PLAGL1: variants seen among roughly 807,000 people sequenced by gnomAD.
PLAGL1 encodes PLAG1 like zinc finger 1.
PLAGL1 carries 1 observed loss-of-function variant against 4.6 expected under a neutral mutation model. The ratio of observed to expected loss-of-function variants is 0.22; its 90% CI spans 0.08 to 1.03. PLAGL1 has a LOEUF of 1.03. PLAGL1 is among the 50% of genes least tolerant of loss of function. The probability of loss-of-function intolerance (pLI) is 0.58; values close to 1 mark genes in which losing one functional copy is unlikely to be tolerated. For missense variants in PLAGL1, 464 were observed against 570.4 expected (o/e 0.81, Z 1.90); for synonymous variants, 240 against 237.8 (o/e 1.01, Z -0.08).
Position 144,027,761 on chromosome 6 carries a change from G to T in PLAGL1, c.-151+36707C>A. On this transcript the variant is annotated intron_variant, in intron 1 of 3. Transcript: ENST00000437412. The surrounding 1 kb of genome is among the most constrained non-coding windows in gnomAD (Gnocchi z 5.8). The stretch of plus-strand genomic sequence containing the variant: ...AAACACTTCGCTCTGTCAGGGAAAT[G>T]TTAATCATATTTGCTAAACTTACTA... 6.6e-6 allele frequency among the ~76,000 whole-genome samples: 1 copy of T among 152,062 alleles called. No individual in the cohort carries two copies. Among genetic ancestry groups the T allele is most frequent in the East Asian group, 1.9e-4 (1 of 5,202 alleles).
rs779621068 is a variant in PLAGL1 at position 143,997,791 on chromosome 6, G to C, written c.-584+10299C>G. ...GAGGTGTTGACCAGGAGGTAAATGA[G>C]AGAATTTTATCCTCGATGGATGTAA... On this transcript the variant is annotated intron_variant, in intron 1 of 7. Coordinates refer to ENST00000674357, the MANE Select transcript of PLAGL1 (RefSeq NM_001317162.2). The surrounding 1 kb of genome is among the most constrained non-coding windows in gnomAD (Gnocchi z 4.6). Among the ~76,000 whole-genome samples, 2 of 144,962 alleles carry C rather than the reference G, an allele frequency of 1.4e-5. No homozygotes were observed. The highest frequency in any genetic ancestry group is 2.9e-5 in the Non-Finnish European group (2 of 67,980).
Position 144,016,011 on chromosome 6 carries a change from G to A in PLAGL1, c.-150-47033C>T, listed in dbSNP as rs761174194. Among the ~76,000 whole-genome samples the A allele has an allele frequency of 2.0e-5, 3 of 152,126 alleles. No homozygotes were observed. Among genetic ancestry groups the A allele is most frequent in the Non-Finnish European group, 4.4e-5 (3 of 68,040 alleles). On this transcript the variant is annotated intron_variant, in intron 1 of 3. Transcript: ENST00000437412. This position sits in a 1 kb window ranked among gnomAD's most constrained non-coding sequence, Gnocchi z 4.2. The stretch of plus-strand genomic sequence containing the variant: ...AACTGCTGATACTGTCAACACAGAT[G>A]AATCAAAACAACAACAACACTGTGC...
chr6:143,981,854 T>C (rs1788020649), intron 2 of PLAGL1, among the ~76,000 whole-genome samples: 1 of 152,210 alleles, frequency 6.6e-6, no homozygotes, highest in African/African-American at 2.4e-5. Flanking sequence ...GAGAAGGGTG[T>C]AATAAGCAAA....
chr6:144,002,940 T>C (rs532204417), intron 1 of PLAGL1, among the ~76,000 whole-genome samples: 1 of 150,316 alleles, frequency 6.7e-6, no homozygotes, highest in African/African-American at 2.5e-5. Context: ...TATATGGAAA[T>C]GTAAAGCACT....
At chr6:143,967,478 A>G (rs1468520526) in intron 3 of PLAGL1, 1 of 152,194 alleles carries the variant, frequency 6.6e-6, no homozygotes, top group Non-Finnish European at 1.5e-5. Flanking sequence ...ATGTGTTTAT[A>G]AAATAAATTT....
rs1385979727 is a variant in PLAGL1, at chr6:144,055,899, G to T, written c.-151+8569C>A. Among the ~76,000 whole-genome samples, 1 of 152,198 alleles carries T rather than the reference G, an allele frequency of 6.6e-6. No individual in the cohort carries two copies. The highest frequency in any genetic ancestry group is 1.5e-5 in the Non-Finnish European group (1 of 68,040). On this transcript the variant is annotated intron_variant, in intron 1 of 3. Transcript: ENST00000437412. This position sits in a 1 kb window ranked among gnomAD's most constrained non-coding sequence, Gnocchi z 5.0. The stretch of plus-strand genomic sequence containing the variant: ...CATGTTCCACCTACATGACAGCCCT[G>T]TGATTTGGGCTAAAATTTAACCTTC...
At chr6:144,020,163 G>C (rs546307380) in intron 1 of PLAGL1, among the ~76,000 whole-genome samples, 1 of 152,276 alleles carries the variant, frequency 6.6e-6, no homozygotes, top group African/African-American at 2.4e-5. Flanking sequence ...ACTAGAAAGA[G>C]AGCCCTCACC....
chr6:143,978,011 T>C lies in PLAGL1; in HGVS notation c.-544+7124A>G, dbSNP rs567213502. 2.6e-5 allele frequency among the ~76,000 whole-genome samples: 4 copies of C among 152,332 alleles called. No homozygotes were observed. The highest frequency in any genetic ancestry group is 4.4e-5 in the Non-Finnish European group (3 of 68,016). On this transcript the variant is annotated intron_variant, in intron 2 of 7. Coordinates refer to ENST00000674357, the MANE Select transcript of PLAGL1 (RefSeq NM_001317162.2). This position sits in a 1 kb window ranked among gnomAD's most constrained non-coding sequence, Gnocchi z 4.6. Reference sequence around the variant, plus strand: ...TCTTACTAATCCTGTATTTTATCCATGGGATTAGCAGAATAACACCTCTTT... The same window carrying C: ...TCTTACTAATCCTGTATTTTATCCACGGGATTAGCAGAATAACACCTCTTT...
At chr6:143,991,950 G>A (rs1385008057) in intron 1 of PLAGL1, among the ~76,000 whole-genome samples, 4 of 152,230 alleles carry the variant, frequency 2.6e-5, no homozygotes, top group Admixed American at 2.6e-4. Flanking sequence ...CTAGTAGCCA[G>A]CTTGCTCTCC....
upstream of PLAGL1, among the ~76,000 whole-genome samples, chr6:144,012,880 G>A (rs541418092): frequency 1.3e-5 from 2 of 152,354 alleles, no homozygotes; most frequent in East Asian, 3.9e-4. The surrounding 1 kb of genome is among the most constrained non-coding windows in gnomAD (Gnocchi z 4.8). Context: ...CTTTGTGTAA[G>A]GGGCAGATGC....
rs1417497977 is a variant in PLAGL1, at chr6:143,973,556, C to T, written c.-543-4578G>A. Among the ~76,000 whole-genome samples, 2 of 152,182 alleles carry T rather than the reference C, an allele frequency of 1.3e-5. No homozygotes were observed. The highest frequency in any genetic ancestry group is 2.9e-5 in the Non-Finnish European group (2 of 68,024). ...ATTCCATAAATAAACTTCTCCCTCT[C>T]ACTCTCCCTTTCTTCCTCCATCCTA... On this transcript the variant is annotated intron_variant, in intron 2 of 7. Transcript: ENST00000674357. The surrounding 1 kb of genome is among the most constrained non-coding windows in gnomAD (Gnocchi z 6.2).
Position 143,963,563 on chromosome 6 carries a change from G to T in PLAGL1, c.-399+1224C>A, listed in dbSNP as rs1457282590. ...CTATTTGATTAATGGGGAAAGTAAG[G>T]CTTAGAAGTTATGCTGATTTGCCCA... On this transcript the variant is annotated intron_variant, in intron 5 of 7. Transcript: ENST00000674357. The surrounding 1 kb of genome is among the most constrained non-coding windows in gnomAD (Gnocchi z 6.1). Among the ~76,000 whole-genome samples the T allele has an allele frequency of 2.0e-5, 3 of 152,150 alleles. No homozygotes were observed. Among genetic ancestry groups the T allele is most frequent in the African/African-American group, 7.2e-5 (3 of 41,416 alleles).
chr6:144,030,249 C>G (rs1376384371), intron 1 of PLAGL1, among the ~76,000 whole-genome samples: 6 of 74,552 alleles, frequency 8.0e-5, no homozygotes, highest in African/African-American at 3.9e-4. Context: ...AGCGAGACTC[C>G]GTCTCAAAAA....
At chr6:144,008,316 G>C (rs1049474837), upstream of PLAGL1, 3 of 151,950 alleles carry the variant, frequency 2.0e-5, no homozygotes, top group Non-Finnish European at 4.4e-5. The surrounding 1 kb of genome is among the most constrained non-coding windows in gnomAD (Gnocchi z 6.9). Flanking sequence ...CCGACGGGCT[G>C]AATGACAAAT....
chr6:143,941,956 G>A lies in PLAGL1; in HGVS notation c.860C>T (p.Pro287Leu). Residue 287 changes from proline to leucine, a missense_variant, in exon 8 of 8, where the codon CCC becomes CTC. Transcript: ENST00000674357. This position sits in a 1 kb window ranked among gnomAD's most constrained non-coding sequence, Gnocchi z 6.0. ...CGGAGGAGAGCCAGGGGATACCGAG[G>A]GGTGGAGGGAGGCCAGGGACTCTGG... Reference protein sequence around the residue: ...PLPESLASLHPSVSPGSPPPP... With the variant: ...PLPESLASLHLSVSPGSPPPP... The A allele has an allele frequency of 6.2e-7, 1 of 1,601,860 alleles. No homozygotes were observed. The highest frequency in any genetic ancestry group is 8.5e-7 in the Non-Finnish European group (1 of 1,173,058).
At chr6:144,047,191 C>G (rs1487838578) in intron 1 of PLAGL1, among the ~76,000 whole-genome samples, 1 of 152,210 alleles carries the variant, frequency 6.6e-6, no homozygotes, top group Non-Finnish European at 1.5e-5. Context: ...AGCTTGCCCT[C>G]CATGGGCTGC....
chr6:143,978,767 GAA>G lies in PLAGL1; in HGVS notation c.-544+6366_-544+6367del, dbSNP rs1217778627. ...TTGAAAAATGTTCTGGCTATGCTTG[GAA>G]AAAGTGTGCAGTTTGCTGTTGAGTA... On this transcript the variant is annotated intron_variant, in intron 2 of 7. Transcript: ENST00000674357. This position sits in a 1 kb window ranked among gnomAD's most constrained non-coding sequence, Gnocchi z 4.6. Among the ~76,000 whole-genome samples the G allele has an allele frequency of 6.6e-6, 1 of 152,082 alleles. No homozygotes were observed. Among genetic ancestry groups the G allele is most frequent in the Non-Finnish European group, 1.5e-5 (1 of 67,998 alleles).
intron 1 of PLAGL1, among the ~76,000 whole-genome samples, chr6:144,029,120 A>G (rs560298558): frequency 6.6e-6 from 1 of 152,204 alleles, no homozygotes; most frequent in African/African-American, 2.4e-5. Context: ...CTATATCACA[A>G]GTAAAGCACC....
chr6:143,999,345 C>A (rs970288981), intron 1 of PLAGL1, among the ~76,000 whole-genome samples: 2 of 152,152 alleles, frequency 1.3e-5, no homozygotes, highest in African/African-American at 2.4e-5. Context: ...CATTGCCTGG[C>A]ACATAGAAAG....
Sources: allele counts gnomAD v4.1 joint callset (sites outside exome capture counted in the v4.1 genomes callset), GRCh38; gene constraint gnomAD v4.1.1; non-coding constraint Gnocchi (gnomAD v3.1); transcripts MANE v1.5; gene names NCBI Gene and HGNC (gene_info 2026-07-23, HGNC 2026-07-21).